The following ZNF425 variants were observed in gnomAD, a reference collection of about 807,000 sequenced individuals.
The protein encoded by ZNF425 is zinc finger protein 425.
ZNF425 carries 21 observed loss-of-function variants against 17.0 expected under a neutral mutation model. The ratio of observed to expected loss-of-function variants is 1.23; its 90% CI spans 0.88 to 1.78. The LOEUF (loss-of-function observed/expected upper bound fraction) is 1.78. Ranked by LOEUF, ZNF425 falls within the 40% of genes most tolerant of loss-of-function variation. ZNF425 has a pLI of 0.00. For synonymous variants in ZNF425, 433 were observed against 384.1 expected (o/e 1.13, Z -1.49); for missense variants, 868 against 967.3 (o/e 0.90, Z 1.36).
At chr7:149,118,163 G>A in intron 2 of ZNF425, 59 bp downstream of exon 2, 1 of 1,605,682 alleles carries the variant, frequency 6.2e-7, no homozygotes, top group Non-Finnish European at 8.5e-7. Context: ...ATACAGGGAA[G>A]GAAGCCTGGT....
rs781389152 is a variant in ZNF425 at position 149,104,310 on chromosome 7, T to C, written c.1561A>G (p.Thr521Ala). The C allele has an allele frequency of 1.4e-5, 22 of 1,613,382 alleles. No homozygotes were observed. The highest frequency in any genetic ancestry group is 3.3e-4 in the Middle Eastern group (2 of 6,084). ...GCGCAGGAGAACGGCTTTTCCGTGG[T>C]GTGGACCTTCAGGTGCTGCGTGAGC... ...SRLTQHLKVHTTEKPFSCAEC... is the reference protein window; with the variant it reads ...SRLTQHLKVHATEKPFSCAEC... The change falls in exon 4 of 4, where the codon ACC becomes GCC. Residue 521 changes from threonine to alanine, a missense_variant. Physicochemically the swap from Thr to Ala is moderately conservative, Grantham distance 58. Around this residue, in one of 5 missense-constraint regions of ZNF425, gnomAD observed 437 missense variants for 444.2 expected, o/e 0.98. Coordinates refer to ENST00000378061, the MANE Select transcript of ZNF425 (RefSeq NM_001001661.3). The surrounding 1 kb of genome is among the most constrained non-coding windows in gnomAD (Gnocchi z 4.3).
Position 149,103,785 on chromosome 7 carries a change from A to G in ZNF425, c.2086T>C (p.Cys696Arg). Residue 696 changes from cysteine to arginine, a missense_variant, in exon 4 of 4, where the codon TGT (cysteine) becomes CGT (arginine). By Grantham distance (180) the Cys-to-Arg change is radical. This residue lies in a region of ZNF425 where 437 missense variants were observed against 444.2 expected (regional missense o/e 0.98). Transcript: ENST00000378061. ...AGGAAGCCTTTGCCACACTCGGGAC[A>G]CTGGAAGGGCCTCTCTCCACTGTGC... The part of the protein sequence containing the change: ...YKHSGERPFQ[C>R]PECGKGFLQK... 1 of 1,614,136 alleles carries G rather than the reference A, an allele frequency of 6.2e-7. No individual in the cohort carries two copies. Among genetic ancestry groups the G allele is most frequent in the Non-Finnish European group, 8.5e-7 (1 of 1,180,030 alleles).
chr7:149,103,663 C>T lies in ZNF425; in HGVS notation c.2208G>A (p.Ala736=), dbSNP rs773536439. Residue 736 remains alanine, a synonymous_variant, in exon 4 of 4, where the codon GCG becomes GCA. Transcript: ENST00000378061. ...ECGRSFTYVG[A]LKTHIAVHAK... Reference sequence around the variant, plus strand: ...CATGCACTGCAATGTGGGTCTTGAGCGCCCCCACGTACGTGAAGCTCCTTC... The same window carrying T: ...CATGCACTGCAATGTGGGTCTTGAGTGCCCCCACGTACGTGAAGCTCCTTC... The T allele has an allele frequency of 1.4e-5, 22 of 1,613,220 alleles. No individual in the cohort carries two copies. The highest frequency in any genetic ancestry group is 1.9e-5 in the Non-Finnish European group (22 of 1,179,736).
chr7:149,113,790 A>G (rs1280278114), intron 2 of ZNF425, among the ~76,000 whole-genome samples: 37 of 151,668 alleles, frequency 2.4e-4, no homozygotes, highest in Non-Finnish European at 4.4e-4. Flanking sequence ...TGACCTCGTG[A>G]TCCACCCACC....
intron 1 of ZNF425, among the ~76,000 whole-genome samples, chr7:149,122,485 C>T (rs1249288822): frequency 1.3e-5 from 2 of 151,884 alleles, no homozygotes; most frequent in South Asian, 2.1e-4. Context: ...GGCCCCAGTC[C>T]GTATCTTTTC....
chr7:149,112,832 A>G (rs1168318529), intron 2 of ZNF425, among the ~76,000 whole-genome samples: 1 of 151,262 alleles, frequency 6.6e-6, no homozygotes, highest in Non-Finnish European at 1.5e-5. Flanking sequence ...ATGCCCTGCT[A>G]ATTTTGTATT....
At chr7:149,107,288 CAAA>C (rs1351254961) in intron 3 of ZNF425, among the ~76,000 whole-genome samples, 1 of 151,322 alleles carries the variant, frequency 6.6e-6, no homozygotes, top group Non-Finnish European at 1.5e-5. Flanking sequence ...TTTCCTTTTC[CAAA>C]AAACTCTGCA....
intron 2 of ZNF425, among the ~76,000 whole-genome samples, chr7:149,112,648 T>A (rs1015441337): frequency 2.6e-5 from 4 of 152,116 alleles, no homozygotes; most frequent in East Asian, 1.9e-4. Context: ...AAATTATTTT[T>A]AAAAATTATT....
chr7:149,104,425 A>C lies in ZNF425; in HGVS notation c.1446T>G (p.Pro482=). The C allele has an allele frequency of 2.5e-6, 4 of 1,601,310 alleles. No individual in the cohort carries two copies. The highest frequency in any genetic ancestry group is 3.4e-6 in the Non-Finnish European group (4 of 1,174,302). ...CTCTGGTGTGGCAGGCGAGCTTGGAAGGCCGCGTGAAGCGCTTGCCGCACT... is the reference window on the plus strand; with the variant it reads ...CTCTGGTGTGGCAGGCGAGCTTGGACGGCCGCGTGAAGCGCTTGCCGCACT... ...CAECGKRFTR[P]SKLACHTRVH... The change falls in exon 4 of 4, where the codon CCT becomes CCG. Residue 482 remains proline, a synonymous_variant. Transcript: ENST00000378061. The surrounding 1 kb of genome is among the most constrained non-coding windows in gnomAD (Gnocchi z 4.3).
At chr7:149,105,631 T>C in intron 3 of ZNF425, 65 bp from the exon 4 acceptor site, 1 of 1,139,760 alleles carries the variant, frequency 8.8e-7, no homozygotes, top group African/African-American at 1.6e-5. Flanking sequence ...GTTCAAGGAC[T>C]GTCTTTTAAA....
At position 149,103,850 on chromosome 7, in the gene ZNF425, C is replaced by T. The variant is rs757489543; in HGVS notation, c.2021G>A (p.Ser674Asn). Residue 674 changes from serine (S) to asparagine (N), a missense_variant, in exon 4 of 4, where the codon AGC becomes AAC. By Grantham distance (46) the Ser-to-Asn change is conservative (BLOSUM62 1). Coordinates refer to ENST00000378061, the MANE Select transcript of ZNF425 (RefSeq NM_001001661.3). ...CTTCAAGCTGCCCCTGATGCAGTAG[C>T]TCTTGTCACACTCCGGACACTGGAA... ...KPFQCPECDK[S>N]YCIRGSLKVH... The T allele has an allele frequency of 1.2e-5, 19 of 1,613,836 alleles. No individual in the cohort carries two copies. Among genetic ancestry groups the T allele is most frequent in the Non-Finnish European group, 2.5e-6 (3 of 1,180,002 alleles).
chr7:149,112,442 T>C (rs1272014623), intron 2 of ZNF425, 147 bp from the exon 3 acceptor site: 1 of 636,480 alleles, frequency 1.6e-6, no homozygotes, highest in Non-Finnish European at 2.7e-6. Flanking sequence ...GAGACCAGCC[T>C]GGCCAACACA....
intron 2 of ZNF425, among the ~76,000 whole-genome samples, chr7:149,112,973 CTT>C (rs35291501): frequency 2.2e-4 from 27 of 123,944 alleles, no homozygotes; most frequent in African/African-American, 3.6e-4. Context: ...CCCCGTGACC[CTT>C]TTTTTTTTTT....
Position 149,118,401 on chromosome 7 carries a change from T to G in ZNF425, c.19-53A>C, listed in dbSNP as rs184541249. 8.1e-6 allele frequency: 13 copies of G among 1,597,402 alleles called. No homozygotes were observed. The Admixed American group carries it at 2.2e-4, about 27-fold the overall frequency. ...ATTTTTACTTTACGGCTACTTTGTT[T>G]TTCAATGTCCATTACTTTATTGAGA... On this transcript the variant is annotated intron_variant, in intron 1 of 3. Transcript: ENST00000378061.
chr7:149,106,373 A>G (rs1826082654), intron 3 of ZNF425, among the ~76,000 whole-genome samples: 1 of 151,636 alleles, frequency 6.6e-6, no homozygotes, highest in Admixed American at 6.6e-5. Context: ...CCTCCTGAGT[A>G]GCTGGGACTA....
At chr7:149,115,546 C>T (rs182411915) in intron 2 of ZNF425, among the ~76,000 whole-genome samples, 8 of 151,812 alleles carry the variant, frequency 5.3e-5, no homozygotes, top group Admixed American at 5.3e-4. Flanking sequence ...AAAAATTAGC[C>T]AGGTGTGGTG....
chr7:149,112,224 C>A lies in ZNF425; in HGVS notation c.217G>T (p.Gly73Ter), dbSNP rs139884689. The A allele has an allele frequency of 6.2e-7, 1 of 1,614,104 alleles. No individual in the cohort carries two copies. The highest frequency in any genetic ancestry group is 8.5e-7 in the Non-Finnish European group (1 of 1,179,970). ...QGRMLLISEQ[G>*]CLDKTRRTTS... ...GTCCTTCTTGTTTTATCTAAGCATCCCTGTTCGCTGATTAATAGCATTCTC... is the reference window on the plus strand; with the variant it reads ...GTCCTTCTTGTTTTATCTAAGCATCACTGTTCGCTGATTAATAGCATTCTC... The change falls in exon 3 of 4, where the codon GGA (glycine) becomes TGA (stop). Residue 73 changes from glycine to a stop codon, truncating the protein, a stop_gained. Transcript: ENST00000378061. LOFTEE classifies it high-confidence loss of function.
In ZNF425 at chr7:149,105,046, T is replaced by C. The variant is rs776923983; in HGVS notation, c.825A>G (p.Pro275=). ...GGAAGGTCTTGTCGCACTCAGGGCA[T>C]GGGTAGGGCCGCTGGCCGGTGTGGA... ...QVVHTGQRPY[P]CPECDKTFRY... The change falls in exon 4 of 4, where the codon CCA becomes CCG. Residue 275 remains proline (P), a synonymous_variant. Transcript: ENST00000378061. 7.4e-6 allele frequency: 12 copies of C among 1,614,054 alleles called. No individual in the cohort carries two copies. The highest frequency in any genetic ancestry group is 3.3e-5 in the Admixed American group (2 of 59,992).
chr7:149,116,887 C>T (rs1270244253), intron 2 of ZNF425, among the ~76,000 whole-genome samples: 1 of 152,080 alleles, frequency 6.6e-6, no homozygotes, highest in Non-Finnish European at 1.5e-5. Flanking sequence ...CTATCTCACA[C>T]AATAAAATAT....
Sources: gnomAD v4.1 joint callset for allele counts (sites outside exome capture counted in the v4.1 genomes callset) on GRCh38, gnomAD v4.1.1 for gene constraint, gnomAD v4.1.1 regional missense constraint, Gnocchi (gnomAD v3.1) non-coding constraint, MANE v1.5 for transcripts, NCBI Gene and HGNC (gene_info 2026-07-23, HGNC 2026-07-21) for gene names.